The following GXYLT1 variants were observed in gnomAD, a reference collection of about 807,000 sequenced individuals.
GXYLT1 encodes the protein glucoside xylosyltransferase 1.
Under a neutral mutation model 54.0 loss-of-function variants are expected in GXYLT1, and 29 were observed. The ratio of observed to expected loss-of-function variants is 0.54; its 90% CI spans 0.40 to 0.73. The LOEUF is 0.73. Among genes scored for constraint, GXYLT1 ranks in the 30% least tolerant of loss-of-function variants. The pLI, the probability that GXYLT1 is intolerant of heterozygous loss-of-function variation, is 0.00. For synonymous variants in GXYLT1, 176 were observed against 204.1 expected, an observed-to-expected ratio of 0.86 and a Z score of 1.17; for missense variants, 490 against 553.4, an observed-to-expected ratio of 0.89 and a Z score of 1.15.
Position 42,129,864 on chromosome 12 carries a change from GAC to G in GXYLT1, c.222-15_222-14del. The G allele has an allele frequency of 3.2e-6, 5 of 1,565,436 alleles. No individual in the cohort carries two copies. The highest frequency in any genetic ancestry group is 4.4e-6 in the Non-Finnish European group (5 of 1,136,542). On this transcript the variant is annotated splice_polypyrimidine_tract_variant and intron_variant, in intron 1 of 7. Coordinates refer to ENST00000398675, the MANE Select transcript of GXYLT1 (RefSeq NM_173601.2). ...GAAATCTTTACACCTAACAGAGTAAGACAGAAATAAGAGTCCTGTGTGAGTAT... is the reference window on the plus strand; with the variant it reads ...GAAATCTTTACACCTAACAGAGTAAGAGAAATAAGAGTCCTGTGTGAGTAT...
At chr12:42,088,081 T>C (rs1361767227) in intron 7 of GXYLT1, 134 bp from the exon 8 acceptor site, 2 of 460,780 alleles carry the variant, frequency 4.3e-6, no homozygotes, top group Admixed American at 4.2e-5. Context: ...AAATTAGATG[T>C]TTAACAAATA....
intron 1 of GXYLT1, among the ~76,000 whole-genome samples, chr12:42,137,768 A>AAAAAAT (rs2065628955): frequency 6.6e-6 from 1 of 151,258 alleles, no homozygotes; most frequent in South Asian, 2.1e-4. Context: ...AATTGAAAAA[A>AAAAAAT]AAAAAAAAAA....
Position 42,087,954 on chromosome 12 carries a change from A to G in GXYLT1, c.1162-7T>C. 1 of 1,457,146 alleles carries G rather than the reference A, an allele frequency of 6.9e-7. No individual in the cohort carries two copies. Among genetic ancestry groups the G allele is most frequent in the Non-Finnish European group, 9.2e-7 (1 of 1,082,202 alleles). The allele number at this position is 1,457,146 out of a possible 1,614,324, so 90.3% of individuals were successfully genotyped here. A position where few individuals can be genotyped will look rare whatever the true frequency, so the allele number is the denominator to read the frequency against. The stretch of plus-strand genomic sequence containing the variant: ...TGTCATCTTCAAAAGAACACTAGAG[A>G]AAGAAAATTTTAAAAAATAAAAAAT... On this transcript the variant is annotated splice_polypyrimidine_tract_variant and splice_region_variant and intron_variant, in intron 7 of 7. Coordinates refer to ENST00000398675, the MANE Select transcript of GXYLT1 (RefSeq NM_173601.2).
chr12:42,109,784 A>C, intron 3 of GXYLT1, 93 bp from the exon 4 acceptor site: 1 of 767,316 alleles, frequency 1.3e-6, no homozygotes, highest in Non-Finnish European at 2.1e-6. Flanking sequence ...AGAGCTAAAA[A>C]TTAAGATAAT....
intron 1 of GXYLT1, among the ~76,000 whole-genome samples, chr12:42,131,698 A>C (rs192969832): frequency 4.3e-4 from 66 of 152,348 alleles, no homozygotes; most frequent in Admixed American, 5.9e-4. Flanking sequence ...CTTGATTAGA[A>C]AATCTGTGTT....
At chr12:42,106,729 T>C (rs2097296116) in intron 4 of GXYLT1, among the ~76,000 whole-genome samples, 1 of 151,124 alleles carries the variant, frequency 6.6e-6, no homozygotes. Flanking sequence ...TTAAGGATAA[T>C]TATTATTATT....
intron 7 of GXYLT1, among the ~76,000 whole-genome samples, chr12:42,088,176 CGCAAGG>C (rs2065308524): frequency 6.6e-6 from 1 of 151,672 alleles, no homozygotes; most frequent in African/African-American, 2.4e-5. Flanking sequence ...GGAGAACATG[CGCAAGG>C]GCAGAGAAGA....
chr12:42,113,569 CAAG>C (rs1472565515), intron 3 of GXYLT1, among the ~76,000 whole-genome samples: 3 of 151,036 alleles, frequency 2.0e-5, no homozygotes, highest in Non-Finnish European at 4.4e-5. Context: ...ATCAATTCAA[CAAG>C]AAGAGCTAAC....
Position 42,144,454 on chromosome 12 carries a change from G to C in GXYLT1, c.193C>G (p.Pro65Ala), listed in dbSNP as rs1011059954. The change falls in exon 1 of 8, where the codon CCC becomes GCC. Residue 65 changes from proline (P) to alanine (A), a missense_variant. This residue lies in a region of GXYLT1 where 148 missense variants were observed against 210.7 expected (regional missense o/e 0.70). Transcript: ENST00000398675. ...GAVRGAGVAGPAAHPGVSDRC... is the reference protein window; with the variant it reads ...GAVRGAGVAGAAAHPGVSDRC... Reference sequence around the variant, plus strand: ...TCCGACACGCCGGGATGCGCTGCGGGGCCCGCGACGCCGGCGCCTCTCACG... The same window carrying C: ...TCCGACACGCCGGGATGCGCTGCGGCGCCCGCGACGCCGGCGCCTCTCACG... The C allele has an allele frequency of 4.6e-6, 6 of 1,311,794 alleles. No individual in the cohort carries two copies. The highest frequency in any genetic ancestry group is 3.2e-5 in the East Asian group (1 of 30,872). The allele number at this position is 1,311,794 out of a possible 1,614,324, so 81.3% of individuals were successfully genotyped here. A position where few individuals can be genotyped will look rare whatever the true frequency, so the allele number is the denominator to read the frequency against.
intron 2 of GXYLT1, among the ~76,000 whole-genome samples, chr12:42,125,098 T>C (rs11181342): frequency 0.011 from 1,597 of 151,916 alleles, 33 homozygotes; most frequent in African/African-American, 0.036. Flanking sequence ...AGAAGGGAGA[T>C]GAAGTGAGCA....
intron 1 of GXYLT1, among the ~76,000 whole-genome samples, chr12:42,136,015 T>C (rs1210617413): frequency 1.3e-5 from 2 of 152,208 alleles, no homozygotes; most frequent in East Asian, 1.9e-4. Context: ...AGTGAATACA[T>C]ATGCTGCATA....
At chr12:42,103,721 T>C (rs1205176657) in intron 5 of GXYLT1, among the ~76,000 whole-genome samples, 3 of 152,160 alleles carry the variant, frequency 2.0e-5, no homozygotes. Flanking sequence ...ACAGGAATAG[T>C]AGGTGTGAAG....
chr12:42,116,157 G>A (rs1420883273), intron 3 of GXYLT1, among the ~76,000 whole-genome samples: 1 of 151,812 alleles, frequency 6.6e-6, no homozygotes, highest in East Asian at 1.9e-4. Flanking sequence ...TTACATGTTA[G>A]ACCTAAAACC....
intron 7 of GXYLT1, among the ~76,000 whole-genome samples, chr12:42,089,378 C>G (rs1322324169): frequency 6.6e-6 from 1 of 150,864 alleles, no homozygotes; most frequent in East Asian, 2.0e-4. Flanking sequence ...AGGAGACATA[C>G]CTAATGTAAA....
intron 3 of GXYLT1, 93 bp downstream of exon 3, chr12:42,118,907 T>C (rs1411503283): frequency 6.5e-6 from 6 of 918,894 alleles, no homozygotes; most frequent in Non-Finnish European, 1.6e-6. Flanking sequence ...TAGTTATTTC[T>C]AGCAATGTGA....
intron 2 of GXYLT1, among the ~76,000 whole-genome samples, chr12:42,126,384 G>A (rs1236939150): frequency 6.6e-6 from 1 of 152,072 alleles, no homozygotes; most frequent in Admixed American, 6.5e-5. Context: ...CCAGTAGGGA[G>A]GTACTCAAAA....
At chr12:42,128,349 G>A (rs914633692) in intron 2 of GXYLT1, among the ~76,000 whole-genome samples, 4 of 151,964 alleles carry the variant, frequency 2.6e-5, no homozygotes, top group Admixed American at 6.6e-5. Context: ...CCAAAACATC[G>A]CTTTATGCCC....
chr12:42,133,129 T>C (rs1039330298), intron 1 of GXYLT1, among the ~76,000 whole-genome samples: 2 of 151,974 alleles, frequency 1.3e-5, no homozygotes, highest in Admixed American at 6.6e-5. Context: ...ATAAAAAAAA[T>C]CAGTCAGGTG....
chr12:42,144,753 G>T lies in GXYLT1; in HGVS notation c.-107C>A. 3.8e-6 allele frequency: 3 copies of T among 781,022 alleles called. No individual in the cohort carries two copies. The highest frequency in any genetic ancestry group is 5.3e-6 in the Non-Finnish European group (3 of 565,762). 48.4% of individuals were successfully genotyped at this position (781,022 alleles called of 1,614,324 possible). On this transcript the variant is annotated 5_prime_UTR_variant, in exon 1 of 8. Transcript: ENST00000398675. Reference sequence around the variant, plus strand: ...CGCGGGCGCAACAAGTTCCTCACCCGCAGCCGCCGCCGCCGCCTTGCGCCC... The same window carrying T: ...CGCGGGCGCAACAAGTTCCTCACCCTCAGCCGCCGCCGCCGCCTTGCGCCC...
Sources: gnomAD v4.1 joint callset for allele counts (sites outside exome capture counted in the v4.1 genomes callset) on GRCh38, gnomAD v4.1.1 for gene constraint, gnomAD v4.1.1 regional missense constraint, MANE v1.5 for transcripts, NCBI Gene and HGNC (gene_info 2026-07-23, HGNC 2026-07-21) for gene names.